Variants in ELAPOR1 observed in about 807,000 individuals in gnomAD.
The protein encoded by ELAPOR1 is endosome/lysosome-associated apoptosis and autophagy regulator 1.
ELAPOR1 carries 77 observed loss-of-function variants against 119.7 expected under a neutral mutation model. The observed-to-expected ratio is 0.64, with a 90% CI of 0.54 to 0.78. The LOEUF is 0.78. ELAPOR1 is among the 30% of genes least tolerant of loss of function. The pLI is 0.00. For missense variants in ELAPOR1, 1,115 were observed against 1,270.4 expected (o/e 0.88, Z 1.86); for synonymous variants, 481 against 487.2 (o/e 0.99, Z 0.17).
intron 1 of ELAPOR1, among the ~76,000 whole-genome samples, chr1:109,161,409 CAAAAAAAAAA>C (rs59573644): frequency 0.016 from 908 of 56,382 alleles, 17 homozygotes; most frequent in African/African-American, 0.053. Flanking sequence ...GACTCCGTCT[CAAAAAAAAAA>C]AAAAAAAAAA....
At chr1:109,163,333 T>G (rs17033756) in intron 2 of ELAPOR1, among the ~76,000 whole-genome samples, 3,775 of 152,290 alleles carry the variant, frequency 0.025, 127 homozygotes, top group African/African-American at 0.081. Flanking sequence ...AGCATAATTC[T>G]AGAACCAAAA....
intron 1 of ELAPOR1, among the ~76,000 whole-genome samples, chr1:109,147,687 G>C (rs1039020007): frequency 6.6e-6 from 1 of 151,912 alleles, no homozygotes; most frequent in African/African-American, 2.4e-5. Flanking sequence ...GTTGGTGATG[G>C]GGAGGCTATG....
chr1:109,171,822 G>A (rs747811194), intron 3 of ELAPOR1, 44 bp from the exon 4 acceptor site: 3 of 1,606,374 alleles, frequency 1.9e-6, no homozygotes, highest in South Asian at 2.2e-5. Context: ...AAAGCCTGGT[G>A]GGCTGTGCTC....
intron 15 of ELAPOR1, among the ~76,000 whole-genome samples, chr1:109,196,091 G>A (rs1440395018): frequency 1.3e-5 from 2 of 152,112 alleles, no homozygotes. Context: ...AGGGGGCGGA[G>A]ATTGCAGTGA....
rs1262859300 is a variant in ELAPOR1 at position 109,154,298 on chromosome 1, A to AG, written c.154-7596_154-7595insG. 2.2e-4 allele frequency among the ~76,000 whole-genome samples: 33 copies of AG among 151,084 alleles called. 1 individual carries two copies. Among genetic ancestry groups the AG allele is most frequent in the Non-Finnish European group, 3.8e-4 (26 of 67,702 alleles). Reference sequence around the variant, plus strand: ...CTCCGTCTCAAAAAAAAAAAAAAAAAAAAAAGAAAAGGGGAAAAAGATGGA... The same window carrying AG: ...CTCCGTCTCAAAAAAAAAAAAAAAAAGAAAAAGAAAAGGGGAAAAAGATGGA... On this transcript the variant is annotated intron_variant, in intron 1 of 21. Coordinates refer to ENST00000369939, the MANE Select transcript of ELAPOR1 (RefSeq NM_020775.5).
intron 1 of ELAPOR1, among the ~76,000 whole-genome samples, chr1:109,150,375 C>T (rs980535163): frequency 1.3e-5 from 2 of 152,186 alleles, no homozygotes; most frequent in South Asian, 2.1e-4. Context: ...AGACTGGGAG[C>T]CCCTGCACCC....
intron 15 of ELAPOR1, among the ~76,000 whole-genome samples, chr1:109,195,212 G>A (rs925406702): frequency 6.7e-6 from 1 of 148,864 alleles, no homozygotes; most frequent in African/African-American, 2.5e-5. Context: ...GCAGGAGGAA[G>A]GCTAGGCGCG....
chr1:109,116,969 G>A (rs1301032483), intron 1 of ELAPOR1, among the ~76,000 whole-genome samples: 1 of 152,198 alleles, frequency 6.6e-6, no homozygotes, highest in Non-Finnish European at 1.5e-5. Context: ...GGGACTGCAG[G>A]CGTGAGTCAC....
At chr1:109,191,667 T>C (rs1176513584) in intron 12 of ELAPOR1, 59 bp from the exon 13 acceptor site, 6 of 1,601,796 alleles carry the variant, frequency 3.7e-6, no homozygotes, top group Non-Finnish European at 5.1e-6. Context: ...GGCAGCCACA[T>C]GGGCACCCAC....
At chr1:109,163,314 C>G (rs1236003244) in intron 2 of ELAPOR1, among the ~76,000 whole-genome samples, 1 of 152,128 alleles carries the variant, frequency 6.6e-6, no homozygotes, top group Non-Finnish European at 1.5e-5. Flanking sequence ...CTTTGAATGC[C>G]AGGCCAAGAG....
chr1:109,184,188 A>G (rs1652914172), intron 7 of ELAPOR1, among the ~76,000 whole-genome samples: 1 of 152,192 alleles, frequency 6.6e-6, no homozygotes, highest in South Asian at 2.1e-4. Flanking sequence ...CCTGACCAAC[A>G]TGGAGAAACT....
chr1:109,114,597 C>G (rs1647864776), intron 1 of ELAPOR1, among the ~76,000 whole-genome samples: 2 of 152,138 alleles, frequency 1.3e-5, no homozygotes, highest in Non-Finnish European at 2.9e-5. Context: ...AGGGGAGCTA[C>G]CTGGGTACCT....
rs149307208 is a variant in ELAPOR1, at chr1:109,152,422, T to C, written c.154-9472T>C. Among the ~76,000 whole-genome samples the C allele has an allele frequency of 2.1e-3, 327 of 152,266 alleles. 1 individual carries two copies. Among genetic ancestry groups the C allele is most frequent in the Middle Eastern group, 0.01 (3 of 294 alleles). ...GTTGATCTTCTGCTTCCTTTCCTAC[T>C]TGTGACTTTATGCAGCAGTGGTTTT... is the stretch of plus-strand genomic sequence containing the variant. On this transcript the variant is annotated intron_variant, in intron 1 of 21. Transcript: ENST00000369939.
intron 1 of ELAPOR1, among the ~76,000 whole-genome samples, chr1:109,131,075 A>G (rs1194509823): frequency 6.6e-6 from 1 of 152,246 alleles, no homozygotes; most frequent in Admixed American, 6.5e-5. Flanking sequence ...AGGAGGTTAC[A>G]GTCAAGATGT....
At chr1:109,180,461 G>A (rs1414718898) in intron 7 of ELAPOR1, among the ~76,000 whole-genome samples, 1 of 151,354 alleles carries the variant, frequency 6.6e-6, no homozygotes, top group African/African-American at 2.4e-5. Flanking sequence ...AGCCATGATT[G>A]CTCCATTGCA....
intron 17 of ELAPOR1, 139 bp downstream of exon 17, chr1:109,198,214 T>G: frequency 1.4e-6 from 1 of 702,146 alleles, no homozygotes; most frequent in Non-Finnish European, 2.5e-6. Context: ...CCAGTCATGA[T>G]AGCTAAGGGC....
intron 1 of ELAPOR1, among the ~76,000 whole-genome samples, chr1:109,146,292 A>G (rs181220419): frequency 2.4e-4 from 37 of 151,922 alleles, no homozygotes; most frequent in South Asian, 4.2e-4. Flanking sequence ...TGCACTCCAG[A>G]CTGGGTAATC....
At chr1:109,194,352 C>A in intron 14 of ELAPOR1, 69 bp from the exon 15 acceptor site, 1 of 1,432,682 alleles carries the variant, frequency 7.0e-7, no homozygotes, top group South Asian at 1.2e-5. Flanking sequence ...GAGAAAACTG[C>A]TACTCTTGGC....
chr1:109,172,313 T>C (rs1651973950), intron 4 of ELAPOR1, among the ~76,000 whole-genome samples, 175 bp from the exon 5 acceptor site: 1 of 152,204 alleles, frequency 6.6e-6, no homozygotes, highest in Non-Finnish European at 1.5e-5. Flanking sequence ...ATTTTGTGTG[T>C]GTGACTAACT....
Sources: allele counts gnomAD v4.1 joint callset (sites outside exome capture counted in the v4.1 genomes callset), GRCh38; gene constraint gnomAD v4.1.1; transcripts MANE v1.5; gene names NCBI Gene and HGNC (gene_info 2026-07-23, HGNC 2026-07-21).